The following BCAS4 variants were observed in gnomAD, a reference collection of about 807,000 sequenced individuals.
BCAS4 encodes breast carcinoma amplified sequence 4, also known as breast carcinoma-amplified sequence 4.
In BCAS4, 9 loss-of-function variants were observed where a neutral mutation model predicts 15.7. The ratio of observed to expected loss-of-function variants is 0.57; its 90% CI spans 0.34 to 1.00. The LOEUF is 1.00. Ranked by LOEUF, BCAS4 falls within the 50% of genes least tolerant of loss-of-function variation. BCAS4 has a pLI of 0.02. For missense variants in BCAS4, 225 were observed against 239.1 expected (o/e 0.94, Z 0.39); for synonymous variants, 101 against 99.5 (o/e 1.02, Z -0.09).
chr20:50,824,662 A>G (rs930888336), intron 2 of BCAS4, among the ~76,000 whole-genome samples: 2 of 152,206 alleles, frequency 1.3e-5, no homozygotes, highest in African/African-American at 4.8e-5. Flanking sequence ...ATAAGAAGAA[A>G]GTGCTCCTCT....
Position 50,795,177 on chromosome 20 carries a change from G to A in BCAS4, c.90+4G>A. On this transcript the variant is annotated splice_donor_region_variant and intron_variant, in intron 1 of 4. Coordinates refer to ENST00000371608, the MANE Select transcript of BCAS4 (RefSeq NM_198799.4). ...GACCCCCGAGCCTGGGGCCGAGGTA[G>A]GGGACGGGGCTGTGGAGTTGGAGGA... 6.9e-7 allele frequency: 1 copy of A among 1,445,314 alleles called. No individual in the cohort carries two copies. The highest frequency in any genetic ancestry group is 1.4e-5 in the South Asian group (1 of 73,490). The allele number at this position is 1,445,314 out of a possible 1,614,324, so 89.5% of individuals were successfully genotyped here.
chr20:50,872,292 C>T (rs1288578199), intron 4 of BCAS4, among the ~76,000 whole-genome samples: 3 of 130,140 alleles, frequency 2.3e-5, no homozygotes, highest in East Asian at 4.5e-4. Context: ...AAAGAGGGGC[C>T]GGGCATGGTG....
downstream of BCAS4, chr20:50,880,762 A>T (rs1439488176): frequency 6.6e-6 from 1 of 152,178 alleles, no homozygotes; most frequent in Non-Finnish European, 1.5e-5. Flanking sequence ...CCAAAGCAAG[A>T]GGTTTCAAGG....
downstream of BCAS4, chr20:50,881,741 A>AC (rs1462859655): frequency 6.6e-6 from 1 of 151,840 alleles, no homozygotes; most frequent in South Asian, 2.1e-4. Flanking sequence ...GCTCACTGCA[A>AC]CCCCTGCCTC....
At chr20:50,858,043 C>T (rs1183469744) in intron 4 of BCAS4, among the ~76,000 whole-genome samples, 1 of 151,958 alleles carries the variant, frequency 6.6e-6, no homozygotes, top group Non-Finnish European at 1.5e-5. Flanking sequence ...CGGGAGCTGC[C>T]AAGAACTAGC....
chr20:50,866,968 C>T (rs1979390068), intron 4 of BCAS4, among the ~76,000 whole-genome samples: 1 of 152,146 alleles, frequency 6.6e-6, no homozygotes, highest in Non-Finnish European at 1.5e-5. Context: ...CGTTCTCGGT[C>T]ACTGAGGTTG....
intron 2 of BCAS4, among the ~76,000 whole-genome samples, chr20:50,827,788 G>A (rs1238021684): frequency 1.3e-5 from 2 of 152,146 alleles, no homozygotes; most frequent in Non-Finnish European, 2.9e-5. Context: ...GTGCAGTGGC[G>A]CCATCTTGGC....
intron 2 of BCAS4, among the ~76,000 whole-genome samples, chr20:50,828,928 T>C (rs902769953): frequency 1.9e-4 from 29 of 152,140 alleles, no homozygotes; most frequent in African/African-American, 6.8e-4. Flanking sequence ...AAACAGCTCA[T>C]CCTCAGTATC....
In BCAS4 at chr20:50,827,825, T is replaced by C. The variant is rs564481864; in HGVS notation, c.163-2454T>C. 1.1e-4 allele frequency among the ~76,000 whole-genome samples: 17 copies of C among 152,192 alleles called. No homozygotes were observed. The East Asian group carries it at 2.9e-3, about 26-fold the overall frequency. ...CACTGCAACCTCTGTTTACCGGGTT[T>C]AAGCGATTCTCCTGCCTCAGCCTCC... On this transcript the variant is annotated intron_variant, in intron 2 of 4. Coordinates refer to ENST00000371608, the MANE Select transcript of BCAS4 (RefSeq NM_198799.4).
intron 4 of BCAS4, among the ~76,000 whole-genome samples, chr20:50,859,668 C>T (rs188143276): frequency 9.9e-4 from 150 of 151,786 alleles, no homozygotes; most frequent in African/African-American, 3.5e-3. Flanking sequence ...GCCAGGTGTG[C>T]GGTGTGGAGC....
chr20:50,849,593 C>T (rs561355628), intron 4 of BCAS4, among the ~76,000 whole-genome samples: 3 of 152,192 alleles, frequency 2.0e-5, no homozygotes, highest in Non-Finnish European at 4.4e-5. Context: ...GTCTTCTGGG[C>T]ATGAGACAGG....
chr20:50,797,186 C>T (rs1713549020), intron 1 of BCAS4, among the ~76,000 whole-genome samples: 1 of 152,098 alleles, frequency 6.6e-6, no homozygotes, highest in African/African-American at 2.4e-5. Flanking sequence ...GTAATACTGT[C>T]CTGCAACTTG....
At position 50,840,711 on chromosome 20, in the gene BCAS4, G is replaced by A. The variant is rs1159802754; in HGVS notation, c.265-1055G>A. On this transcript the variant is annotated intron_variant, in intron 3 of 4. Transcript: ENST00000371608. Reference sequence around the variant, plus strand: ...CTGTCTTCTTCAGTTTCGACTTATCGAATTTCTCGATCTCAGCCATATCGG... The same window carrying A: ...CTGTCTTCTTCAGTTTCGACTTATCAAATTTCTCGATCTCAGCCATATCGG... 3.1e-6 allele frequency: 5 copies of A among 1,612,574 alleles called. No homozygotes were observed. In the African/African-American group the frequency reaches 4.0e-5, roughly 13 times the overall value.
intron 1 of BCAS4, among the ~76,000 whole-genome samples, chr20:50,809,417 C>G (rs2088033818): frequency 6.6e-6 from 1 of 152,052 alleles, no homozygotes; most frequent in Non-Finnish European, 1.5e-5. Flanking sequence ...CCATGTTGGC[C>G]AGGTTAGTCT....
chr20:50,801,280 G>A (rs1040213580), intron 1 of BCAS4, among the ~76,000 whole-genome samples: 9 of 152,066 alleles, frequency 5.9e-5, no homozygotes, highest in African/African-American at 2.2e-4. Context: ...TACAAAATTA[G>A]TTGTGCGTAG....
chr20:50,871,411 C>T (rs1020383670), intron 4 of BCAS4, among the ~76,000 whole-genome samples: 5 of 152,232 alleles, frequency 3.3e-5, no homozygotes, highest in African/African-American at 9.6e-5. Context: ...GACAGCCCTG[C>T]GGGCATCTGG....
At position 50,877,036 on chromosome 20, in the gene BCAS4, C is replaced by G. The variant is rs1217806395; in HGVS notation, c.*428C>G. ...TCTCCATGATGGCTTTGCAGGGGCTCCATGGTCCTTCTCTCTGTGATGGGT... is the reference window on the plus strand; with the variant it reads ...TCTCCATGATGGCTTTGCAGGGGCTGCATGGTCCTTCTCTCTGTGATGGGT... On this transcript the variant is annotated 3_prime_UTR_variant, in exon 5 of 5. Coordinates refer to ENST00000371608, the MANE Select transcript of BCAS4 (RefSeq NM_198799.4). 1.3e-5 allele frequency: 2 copies of G among 156,730 alleles called. No homozygotes were observed. The highest frequency in any genetic ancestry group is 4.8e-5 in the African/African-American group (2 of 41,482). 9.7% of individuals were successfully genotyped at this position (156,730 alleles called of 1,614,324 possible). A position where few individuals can be genotyped will look rare whatever the true frequency, so the allele number is the denominator to read the frequency against.
At chr20:50,798,657 G>T (rs530695066) in intron 1 of BCAS4, among the ~76,000 whole-genome samples, 1 of 152,138 alleles carries the variant, frequency 6.6e-6, no homozygotes, top group African/African-American at 2.4e-5. Context: ...GTCCATCTCA[G>T]CTTGGACTGG....
chr20:50,840,707 T>G, intron 3 of BCAS4: 1 of 1,612,954 alleles, frequency 6.2e-7, no homozygotes, highest in African/African-American at 1.3e-5. Flanking sequence ...AGTTTCGACT[T>G]ATCGAATTTC....
Sources: allele counts gnomAD v4.1 joint callset (sites outside exome capture counted in the v4.1 genomes callset), GRCh38; gene constraint gnomAD v4.1.1; transcripts MANE v1.5; gene names NCBI Gene and HGNC (gene_info 2026-07-23, HGNC 2026-07-21).